Variants in LRRTM4 observed in about 807,000 individuals in gnomAD.
The protein encoded by LRRTM4 is leucine-rich repeat transmembrane neuronal protein 4.
In LRRTM4, 25 loss-of-function variants were observed where a neutral mutation model predicts 47.6. That is an observed-to-expected ratio of 0.53 (90% CI 0.38 to 0.73). The LOEUF is 0.73. LRRTM4 is among the 30% of genes least tolerant of loss of function. The pLI, the probability that LRRTM4 is intolerant of heterozygous loss-of-function variation, is 0.00. For synonymous variants in LRRTM4, 311 were observed against 269.5 expected, an observed-to-expected ratio of 1.15 and a Z score of -1.51; for missense variants, 638 against 713.4, an observed-to-expected ratio of 0.89 and a Z score of 1.20.
At chr2:77,299,811 T>C (rs1462484715) in intron 3 of LRRTM4, among the ~76,000 whole-genome samples, 2 of 151,890 alleles carry the variant, frequency 1.3e-5, no homozygotes, top group Non-Finnish European at 2.9e-5. Context: ...TAACAACACA[T>C]TGTCACTGAG....
Position 76,748,551 on chromosome 2 carries a change from T to G in LRRTM4, c.*144A>C, listed in dbSNP as rs1573046356. 4.4e-6 allele frequency: 3 copies of G among 681,660 alleles called. No homozygotes were observed. Among genetic ancestry groups the G allele is most frequent in the East Asian group, 5.4e-5 (2 of 36,804 alleles). The allele number at this position is 681,660 out of a possible 1,614,324, so 42.2% of individuals were successfully genotyped here. On this transcript the variant is annotated 3_prime_UTR_variant, in exon 4 of 4. Transcript: ENST00000409884. Reference sequence around the variant, plus strand: ...GCCCTCTTCAAGCAGTTTTTTTTTCTCTTTTTCTTTTCTCTATGCCATAAA... The same window carrying G: ...GCCCTCTTCAAGCAGTTTTTTTTTCGCTTTTTCTTTTCTCTATGCCATAAA...
At chr2:76,916,973 T>C (rs144009211) in intron 3 of LRRTM4, among the ~76,000 whole-genome samples, 1 of 152,190 alleles carries the variant, frequency 6.6e-6, no homozygotes, top group East Asian at 1.9e-4. Context: ...AGTATGAAAT[T>C]TGTGGCATCT....
At chr2:77,315,180 G>GT (rs1573240179) in intron 3 of LRRTM4, among the ~76,000 whole-genome samples, 2 of 150,438 alleles carry the variant, frequency 1.3e-5, no homozygotes, top group East Asian at 4.0e-4. Context: ...CAAAGTTAAA[G>GT]GTTTTTTTCT....
intron 3 of LRRTM4, among the ~76,000 whole-genome samples, chr2:77,002,641 G>A (rs1406815430): frequency 6.6e-6 from 1 of 152,064 alleles, no homozygotes; most frequent in East Asian, 1.9e-4. Context: ...AAACTCCCAA[G>A]ACTTTACTCC....
intron 3 of LRRTM4, among the ~76,000 whole-genome samples, chr2:77,366,564 A>G (rs1672471246): frequency 6.6e-6 from 1 of 151,826 alleles, no homozygotes; most frequent in Admixed American, 6.6e-5. Context: ...AATTATATTA[A>G]CTTTCTTATA....
chr2:77,025,173 A>T (rs975459652), intron 3 of LRRTM4, among the ~76,000 whole-genome samples: 1 of 152,188 alleles, frequency 6.6e-6, no homozygotes, highest in Non-Finnish European at 1.5e-5. Context: ...AATCCATGAC[A>T]TGTCAAGAGA....
chr2:77,116,356 A>G (rs545263245), intron 3 of LRRTM4, among the ~76,000 whole-genome samples: 1 of 152,274 alleles, frequency 6.6e-6, no homozygotes, highest in South Asian at 2.1e-4. Context: ...TAACAGAAAT[A>G]TAAGAACTCA....
At chr2:76,987,317 GA>G (rs1676836231) in intron 3 of LRRTM4, 1 of 151,578 alleles carries the variant, frequency 6.6e-6, no homozygotes, top group African/African-American at 2.4e-5. Context: ...CACTTTTCAG[GA>G]TTAAATAATT....
chr2:77,489,869 C>G (rs907509269), intron 3 of LRRTM4, among the ~76,000 whole-genome samples: 4 of 152,170 alleles, frequency 2.6e-5, no homozygotes, highest in Non-Finnish European at 5.9e-5. Flanking sequence ...TGGGTTCAGT[C>G]TTGCTAACTT....
intron 3 of LRRTM4, among the ~76,000 whole-genome samples, chr2:77,118,632 C>T (rs1671450224): frequency 6.6e-6 from 1 of 151,898 alleles, no homozygotes; most frequent in Non-Finnish European, 1.5e-5. Flanking sequence ...GAATGATCAT[C>T]CCTGAATGCA....
At chr2:77,436,016 C>T (rs1254796199) in intron 3 of LRRTM4, among the ~76,000 whole-genome samples, 2 of 151,986 alleles carry the variant, frequency 1.3e-5, no homozygotes, top group African/African-American at 2.4e-5. Context: ...ACATGAGCAT[C>T]CATTCTTAGA....
chr2:77,097,009 G>T (rs1412738329), intron 3 of LRRTM4, among the ~76,000 whole-genome samples: 1 of 151,736 alleles, frequency 6.6e-6, no homozygotes, highest in Non-Finnish European at 1.5e-5. Context: ...CAACAAAAGT[G>T]TAAGGTTATA....
At chr2:76,911,067 AT>A (rs1208008331) in intron 3 of LRRTM4, among the ~76,000 whole-genome samples, 2 of 152,192 alleles carry the variant, frequency 1.3e-5, no homozygotes, top group African/African-American at 4.8e-5. Flanking sequence ...ATAGTTACAC[AT>A]TTTTACTTAG....
In LRRTM4 at chr2:76,748,477, G is replaced by A; in HGVS notation, c.*218C>T. On this transcript the variant is annotated 3_prime_UTR_variant, in exon 4 of 4. Coordinates refer to ENST00000409884, the MANE Select transcript of LRRTM4 (RefSeq NM_001134745.3). ...ATTTTTGTTTGTTTTATGTTTTAAA[G>A]CAAAGAAAGTTCTGCAGTCCTCCCG... 8.8e-6 allele frequency: 5 copies of A among 567,116 alleles called. No homozygotes were observed. The highest frequency in any genetic ancestry group is 1.3e-5 in the Non-Finnish European group (4 of 319,440). The allele number at this position is 567,116 out of a possible 1,614,324, so 35.1% of individuals were successfully genotyped here.
At chr2:77,341,858 C>T (rs1671384922) in intron 3 of LRRTM4, among the ~76,000 whole-genome samples, 1 of 151,858 alleles carries the variant, frequency 6.6e-6, no homozygotes. Context: ...ACTGTGTGAC[C>T]AGTTTCACTT....
At chr2:77,444,523 T>C (rs1033572707) in intron 3 of LRRTM4, among the ~76,000 whole-genome samples, 2 of 152,050 alleles carry the variant, frequency 1.3e-5, no homozygotes, top group African/African-American at 4.8e-5. Flanking sequence ...GAAGAAGATA[T>C]GGTAGAGGCA....
chr2:76,760,442 G>C (rs923709757), intron 3 of LRRTM4, among the ~76,000 whole-genome samples: 1 of 152,162 alleles, frequency 6.6e-6, no homozygotes, highest in African/African-American at 2.4e-5. Flanking sequence ...ATGACTATCA[G>C]GTGGTTTCTG....
intron 3 of LRRTM4, among the ~76,000 whole-genome samples, chr2:77,404,840 C>G (rs1278657733): frequency 6.6e-6 from 1 of 152,024 alleles, no homozygotes; most frequent in African/African-American, 2.4e-5. Flanking sequence ...CCACAGGGAA[C>G]TTCTAAATAC....
chr2:77,193,655 CA>C (rs1307274756), intron 3 of LRRTM4, among the ~76,000 whole-genome samples: 1 of 151,976 alleles, frequency 6.6e-6, no homozygotes, highest in African/African-American at 2.4e-5. Context: ...ACAAAAAATA[CA>C]AAAATTAGCC....
Sources: allele counts gnomAD v4.1 joint callset (sites outside exome capture counted in the v4.1 genomes callset), GRCh38; gene constraint gnomAD v4.1.1; transcripts MANE v1.5; gene names NCBI Gene and HGNC (gene_info 2026-07-23, HGNC 2026-07-21).